The following PLXNA2 variants were observed in gnomAD, a reference collection of about 807,000 sequenced individuals.
PLXNA2 encodes the protein plexin A2, also known as plexin-A2.
In PLXNA2, 91 loss-of-function variants were observed where a neutral mutation model predicts 193.5. That is an observed-to-expected ratio of 0.47 (90% CI 0.40 to 0.56). The LOEUF is 0.56. PLXNA2 is among the 20% of genes least tolerant of loss of function. PLXNA2 has a pLI of 0.00. For synonymous variants in PLXNA2, 997 were observed against 1,027.3 expected (o/e 0.97, Z 0.56); for missense variants, 1,995 against 2,503.2 (o/e 0.80, Z 4.33).
intron 3 of PLXNA2, among the ~76,000 whole-genome samples, chr1:208,154,752 A>G (rs664188): frequency 0.28 from 42,961 of 152,212 alleles, 7,060 homozygotes; most frequent in Non-Finnish European, 0.37. Flanking sequence ...TTGATTGTCC[A>G]GCGAAGGCTG....
At chr1:208,031,257 A>G (rs1664493486) in intron 29 of PLXNA2, 1 of 1,129,368 alleles carries the variant, frequency 8.9e-7, no homozygotes, top group African/African-American at 1.6e-5. Context: ...CTCTTTGCAT[A>G]GGTTCCCCCA....
rs1669779718 is a variant in PLXNA2, at chr1:208,179,837, C to T, written c.1371+30443G>A. Among the ~76,000 whole-genome samples, 4 of 152,202 alleles carry T rather than the reference C, an allele frequency of 2.6e-5. No homozygotes were observed. In the South Asian group the frequency reaches 8.3e-4, roughly 31 times the overall value. On this transcript the variant is annotated intron_variant, in intron 3 of 31. Transcript: ENST00000367033. ...GAATCTCAAGGAGAGAAAAGGTCATCTGGTAGCATCTTCCTTCTACAGTAT... is the reference window on the plus strand; with the variant it reads ...GAATCTCAAGGAGAGAAAAGGTCATTTGGTAGCATCTTCCTTCTACAGTAT...
intron 7 of PLXNA2, 84 bp downstream of exon 7, chr1:208,096,646 C>T (rs1410478020): frequency 6.7e-7 from 1 of 1,483,736 alleles, no homozygotes; most frequent in African/African-American, 1.4e-5. Context: ...TATAAGAAGA[C>T]TGTGTGCCTA....
intron 4 of PLXNA2, among the ~76,000 whole-genome samples, chr1:208,112,892 C>A (rs1320869322): frequency 1.3e-5 from 2 of 151,004 alleles, no homozygotes; most frequent in Non-Finnish European, 2.9e-5. Context: ...ATGGGCAAGG[C>A]AGATACTCCA....
chr1:208,122,959 G>A (rs775595323), intron 4 of PLXNA2, among the ~76,000 whole-genome samples: 3 of 152,110 alleles, frequency 2.0e-5, no homozygotes, highest in African/African-American at 7.2e-5. Flanking sequence ...ACTAGATTGC[G>A]CAATTCAATG....
At chr1:208,233,274 C>T (rs895515046) in intron 1 of PLXNA2, among the ~76,000 whole-genome samples, 2 of 152,334 alleles carry the variant, frequency 1.3e-5, no homozygotes, top group African/African-American at 2.4e-5. Context: ...TATAAACACT[C>T]GTTCAGTCAA....
chr1:208,171,544 A>G (rs1308484350), intron 3 of PLXNA2, among the ~76,000 whole-genome samples: 1 of 152,192 alleles, frequency 6.6e-6, no homozygotes, highest in Non-Finnish European at 1.5e-5. Context: ...AAATGTTGGT[A>G]ATAGGCCTAG....
rs143798089 is a variant in PLXNA2, at chr1:208,238,148, G to A, written c.-81+5495C>T. Among the ~76,000 whole-genome samples, 49 of 152,240 alleles carry A rather than the reference G, an allele frequency of 3.2e-4. No homozygotes were observed. In the East Asian group the frequency reaches 7.4e-3, roughly 23 times the overall value. ...TAGGGTTCCTCTGTCAGAAGCTTCC[G>A]TCCTCTCAAAGCGTCGGAGAGAATA... On this transcript the variant is annotated intron_variant, in intron 1 of 31. Transcript: ENST00000367033.
intron 12 of PLXNA2, among the ~76,000 whole-genome samples, chr1:208,066,984 T>C (rs527486850): frequency 2.6e-5 from 4 of 152,230 alleles, no homozygotes; most frequent in Non-Finnish European, 4.4e-5. Flanking sequence ...GTACAATGTA[T>C]GTGTTTTAAG....
At chr1:208,186,954 C>T (rs1393565233) in intron 3 of PLXNA2, among the ~76,000 whole-genome samples, 2 of 151,610 alleles carry the variant, frequency 1.3e-5, no homozygotes, top group Non-Finnish European at 2.9e-5. Flanking sequence ...ATCTCCTGAC[C>T]TCATGATCCA....
intron 12 of PLXNA2, among the ~76,000 whole-genome samples, chr1:208,073,795 C>A (rs1666048453): frequency 6.6e-6 from 1 of 151,962 alleles, no homozygotes; most frequent in Non-Finnish European, 1.5e-5. Context: ...GACAGACACA[C>A]ACACAGAGAT....
chr1:208,163,320 A>G (rs1338181667), intron 3 of PLXNA2, among the ~76,000 whole-genome samples: 1 of 152,230 alleles, frequency 6.6e-6, no homozygotes, highest in African/African-American at 2.4e-5. Flanking sequence ...GCTAACTTAG[A>G]GAAGGCAGGG....
intron 3 of PLXNA2, among the ~76,000 whole-genome samples, chr1:208,190,809 A>G (rs1670155313): frequency 6.6e-6 from 1 of 152,216 alleles, no homozygotes; most frequent in Admixed American, 6.5e-5. Flanking sequence ...CCCATATGTA[A>G]TTGTCATTGT....
chr1:208,031,496 G>A (rs1664502232), intron 29 of PLXNA2, 94 bp downstream of exon 29: 9 of 1,491,368 alleles, frequency 6.0e-6, no homozygotes, highest in African/African-American at 1.4e-5. Flanking sequence ...CCGAGAATAG[G>A]CTATCCTCCC....
At chr1:208,046,234 T>C in intron 17 of PLXNA2, 117 bp from the exon 18 acceptor site, 1 of 1,308,234 alleles carries the variant, frequency 7.6e-7, no homozygotes, top group Non-Finnish European at 1.0e-6. Flanking sequence ...GTTTACTTGC[T>C]TGTCTCCATT....
At chr1:208,106,138 T>C (rs1290531848) in intron 4 of PLXNA2, among the ~76,000 whole-genome samples, 3 of 139,300 alleles carry the variant, frequency 2.2e-5, no homozygotes, top group Non-Finnish European at 4.6e-5. Context: ...TTGGCAGGGG[T>C]GGAGGGGGGG....
At chr1:208,110,053 T>A (rs1197112455) in intron 4 of PLXNA2, among the ~76,000 whole-genome samples, 1 of 152,240 alleles carries the variant, frequency 6.6e-6, no homozygotes, top group Non-Finnish European at 1.5e-5. Flanking sequence ...TAGTGTACTA[T>A]GCTTCCCTTG....
intron 3 of PLXNA2, among the ~76,000 whole-genome samples, chr1:208,155,101 G>T (rs1237498945): frequency 2.0e-5 from 3 of 152,156 alleles, no homozygotes; most frequent in Non-Finnish European, 4.4e-5. Flanking sequence ...GGAGGAGCGG[G>T]AGGCAGCAGA....
At chr1:208,216,654 C>A in intron 2 of PLXNA2, 81 bp downstream of exon 2, 1 of 1,473,876 alleles carries the variant, frequency 6.8e-7, no homozygotes, top group African/African-American at 1.4e-5. Flanking sequence ...GGTGTGGGAG[C>A]AGATGTGCCC....
Sources: allele counts gnomAD v4.1 joint callset (sites outside exome capture counted in the v4.1 genomes callset), GRCh38; gene constraint gnomAD v4.1.1; transcripts MANE v1.5; gene names NCBI Gene and HGNC (gene_info 2026-07-23, HGNC 2026-07-21).